DOCK10: variants seen among roughly 807,000 people sequenced by gnomAD.
The protein encoded by DOCK10 is dedicator of cytokinesis 10.
Under a neutral mutation model 280.1 loss-of-function variants are expected in DOCK10, and 145 were observed. That is an observed-to-expected ratio of 0.52 (90% CI 0.45 to 0.59). DOCK10 has a LOEUF of 0.59. DOCK10 is among the 20% of genes least tolerant of loss of function. The pLI, the probability that DOCK10 is intolerant of heterozygous loss-of-function variation, is 0.00. For synonymous variants in DOCK10, 915 were observed against 942.2 expected (o/e 0.97, Z 0.53); for missense variants, 2,368 against 2,651.7 (o/e 0.89, Z 2.35).
At chr2:224,979,755 G>A (rs762116928) in intron 1 of DOCK10, among the ~76,000 whole-genome samples, 3 of 152,116 alleles carry the variant, frequency 2.0e-5, no homozygotes, top group Non-Finnish European at 4.4e-5. Flanking sequence ...ACGTCTTACC[G>A]TTACATCCCG....
intron 9 of DOCK10, 124 bp from the exon 10 acceptor site, chr2:224,874,473 G>T: frequency 1.1e-6 from 1 of 920,296 alleles, no homozygotes; most frequent in Admixed American, 2.5e-5. Context: ...ATTAACACTT[G>T]GCAAATCTTG....
chr2:224,942,159 G>C (rs111870537), intron 1 of DOCK10, among the ~76,000 whole-genome samples: 1 of 152,170 alleles, frequency 6.6e-6, no homozygotes, highest in Non-Finnish European at 1.5e-5. Flanking sequence ...GCTAGGGAAA[G>C]GAAGACCATT....
At chr2:224,856,152 T>C (rs954535315) in intron 15 of DOCK10, among the ~76,000 whole-genome samples, 1 of 152,222 alleles carries the variant, frequency 6.6e-6, no homozygotes, top group Non-Finnish European at 1.5e-5. Flanking sequence ...TGTCAGCACA[T>C]CACTGAGAAT....
At chr2:224,968,362 G>A (rs969872744) in intron 1 of DOCK10, among the ~76,000 whole-genome samples, 18 of 152,324 alleles carry the variant, frequency 1.2e-4, no homozygotes, top group African/African-American at 4.3e-4. Flanking sequence ...GACAATCCCA[G>A]GCAGGGCAGG....
intron 1 of DOCK10, among the ~76,000 whole-genome samples, chr2:225,019,260 G>A (rs1689720276): frequency 6.6e-6 from 1 of 151,956 alleles, no homozygotes; most frequent in African/African-American, 2.4e-5. Flanking sequence ...AATGAGTAAA[G>A]GCTGTCACCC....
At position 224,799,465 on chromosome 2, in the gene DOCK10, T is replaced by G. The variant is rs139675183; in HGVS notation, c.4506+686A>C. On this transcript the variant is annotated intron_variant, in intron 41 of 55. Coordinates refer to ENST00000258390, the MANE Select transcript of DOCK10 (RefSeq NM_014689.3). ...TTTTTTTGCTATTAAAATAAAGCTG[T>G]CATGCATATTTGTGTATAAAGTTTT... Among the ~76,000 whole-genome samples the G allele has an allele frequency of 3.3e-5, 5 of 152,366 alleles. No individual in the cohort carries two copies. In the East Asian group the frequency reaches 9.6e-4, roughly 29 times the overall value.
At chr2:224,881,391 A>C (rs1698969859) in intron 7 of DOCK10, among the ~76,000 whole-genome samples, 1 of 152,226 alleles carries the variant, frequency 6.6e-6, no homozygotes, top group Non-Finnish European at 1.5e-5. Flanking sequence ...GTATTTGCTG[A>C]AATGAATCCC....
At chr2:224,986,275 C>A (rs1296832096) in intron 1 of DOCK10, among the ~76,000 whole-genome samples, 1 of 152,114 alleles carries the variant, frequency 6.6e-6, no homozygotes, top group Non-Finnish European at 1.5e-5. Context: ...AGAAATGAAG[C>A]CTAACAAAAT....
intron 4 of DOCK10, among the ~76,000 whole-genome samples, chr2:224,887,586 G>C (rs924059708): frequency 6.6e-6 from 1 of 152,168 alleles, no homozygotes; most frequent in African/African-American, 2.4e-5. Flanking sequence ...GGCATTTCTT[G>C]ATGTCTAGCT....
chr2:224,905,653 A>G (rs190010329), intron 3 of DOCK10, among the ~76,000 whole-genome samples: 470 of 152,334 alleles, frequency 3.1e-3, no homozygotes, highest in African/African-American at 0.011. Context: ...TTGCAAGTAA[A>G]GGGACACCAA....
At chr2:224,868,884 G>C (rs548011390) in intron 11 of DOCK10, among the ~76,000 whole-genome samples, 2 of 152,018 alleles carry the variant, frequency 1.3e-5, no homozygotes, top group Admixed American at 1.3e-4. Context: ...CACATTGAAG[G>C]TCAAAGCAAA....
At chr2:224,826,685 T>A (rs1010457605) in intron 27 of DOCK10, among the ~76,000 whole-genome samples, 18 of 152,020 alleles carry the variant, frequency 1.2e-4, no homozygotes, top group Non-Finnish European at 4.4e-5. Flanking sequence ...GCCCAAGAGT[T>A]CGAGACCAGC....
intron 33 of DOCK10, 81 bp downstream of exon 33, chr2:224,807,587 A>T: frequency 1.1e-6 from 1 of 892,728 alleles, no homozygotes; most frequent in East Asian, 2.6e-5. Context: ...ATGAGAAGAA[A>T]TGGTTATCCA....
intron 2 of DOCK10, among the ~76,000 whole-genome samples, chr2:224,918,751 TGA>T (rs1575056474): frequency 6.8e-6 from 1 of 146,034 alleles, no homozygotes; most frequent in East Asian, 2.1e-4. Context: ...TGTGTATACA[TGA>T]GTGTGTCGCA....
intron 1 of DOCK10, among the ~76,000 whole-genome samples, chr2:224,933,867 A>G (rs936009324): frequency 6.6e-6 from 1 of 152,152 alleles, no homozygotes; most frequent in African/African-American, 2.4e-5. Context: ...GGTTCTCACT[A>G]TCTTTTAAAT....
rs1402466662 is a variant in DOCK10, at chr2:224,833,641, ATATC to A, written c.2964+505_2964+508del. ...AATGCATCTTCTTTTCTAACATACAATATCTATCTATGTATCTCTCTCTCTCTCT... is the reference window on the plus strand; with the variant it reads ...AATGCATCTTCTTTTCTAACATACAATATCTATGTATCTCTCTCTCTCTCT... On this transcript the variant is annotated intron_variant, in intron 26 of 55. Coordinates refer to ENST00000258390, the MANE Select transcript of DOCK10 (RefSeq NM_014689.3). 2.0e-5 allele frequency among the ~76,000 whole-genome samples: 3 copies of A among 146,624 alleles called. No individual in the cohort carries two copies. In the East Asian group the frequency reaches 5.8e-4, roughly 28 times the overall value.
chr2:224,806,873 G>A (rs926030032), intron 33 of DOCK10, among the ~76,000 whole-genome samples: 2 of 152,114 alleles, frequency 1.3e-5, no homozygotes, highest in African/African-American at 2.4e-5. Flanking sequence ...GGCTCCCAAA[G>A]TTGATGGGAT....
At chr2:224,782,785 T>A (rs1003877907) in intron 50 of DOCK10, among the ~76,000 whole-genome samples, 30 of 152,216 alleles carry the variant, frequency 2.0e-4, no homozygotes, top group Non-Finnish European at 7.3e-5. Context: ...GCAAAGAGCC[T>A]ATTGCATATC....
Position 224,869,237 on chromosome 2 carries a change from T to C in DOCK10, c.1258-4150A>G, listed in dbSNP as rs137993043. 3.7e-4 allele frequency among the ~76,000 whole-genome samples: 56 copies of C among 152,342 alleles called. 1 individual carries two copies. Among genetic ancestry groups the C allele is most frequent in the African/African-American group, 1.3e-3 (56 of 41,580 alleles). ...GAGTCAATTTCTATTTTCAAAGAAA[T>C]ATTTTATACTACAAAACCATCAACT... On this transcript the variant is annotated intron_variant, in intron 11 of 55. Transcript: ENST00000258390.
Sources: allele counts gnomAD v4.1 joint callset (sites outside exome capture counted in the v4.1 genomes callset), GRCh38; gene constraint gnomAD v4.1.1; transcripts MANE v1.5; gene names NCBI Gene and HGNC (gene_info 2026-07-23, HGNC 2026-07-21).